Variants in ATP6AP2 observed in about 807,000 individuals in gnomAD.
The protein encoded by ATP6AP2 is renin receptor.
In ATP6AP2, 1 loss-of-function variant was observed where a neutral mutation model predicts 23.4. The observed-to-expected ratio is 0.04, with a 90% CI of 0.02 to 0.20. The LOEUF is 0.20. Among genes scored for constraint, ATP6AP2 ranks in the 10% least tolerant of loss-of-function variants. The pLI is 1.00. For missense variants in ATP6AP2, 174 were observed against 271.3 expected (o/e 0.64, Z 2.52); for synonymous variants, 90 against 97.1 (o/e 0.93, Z 0.43).
At chrX:40,584,321 C>T (rs972783140) in intron 1 of ATP6AP2, among the ~76,000 whole-genome samples, 2 of 107,980 alleles carry the variant, frequency 1.9e-5, no homozygotes, top group African/African-American at 3.4e-5. Flanking sequence ...TCCCAAAGTG[C>T]TGGGATTACA....
chrX:40,596,626 T>G (rs1277651136), intron 3 of ATP6AP2, among the ~76,000 whole-genome samples: 2 of 111,354 alleles, frequency 1.8e-5, no homozygotes, highest in African/African-American at 6.5e-5. Context: ...TATTTTGCAC[T>G]TTAATAAAAA....
At chrX:40,588,255 A>G (rs1329614948) in intron 1 of ATP6AP2, among the ~76,000 whole-genome samples, 1 of 109,572 alleles carries the variant, frequency 9.1e-6, no homozygotes, top group Non-Finnish European at 1.9e-5. Context: ...CCCTCTTGAC[A>G]TGTCAACTAC....
chrX:40,597,845 C>T (rs893524936), intron 5 of ATP6AP2, 181 bp downstream of exon 5: 9 of 445,051 alleles, frequency 2.0e-5, no homozygotes. Flanking sequence ...GCCTCCCATT[C>T]CTTATACTAC....
chrX:40,581,156 C>A, intron 1 of ATP6AP2, 54 bp downstream of exon 1: 4 of 1,005,776 alleles, frequency 4.0e-6, no homozygotes, highest in Non-Finnish European at 5.2e-6. Context: ...CGCCGCGGGG[C>A]TTGGGGGTCG....
intron 8 of ATP6AP2, 127 bp from the exon 9 acceptor site, chrX:40,605,434 A>G (rs1927048302): frequency 3.3e-6 from 2 of 606,610 alleles, no homozygotes; most frequent in Admixed American, 2.8e-5. Context: ...TCCTCCTAGT[A>G]TAAGTAGCTG....
At chrX:40,600,694 A>G (rs1370471178) in intron 7 of ATP6AP2, 68 bp from the exon 8 acceptor site, 5 of 1,062,824 alleles carry the variant, frequency 4.7e-6, no homozygotes, top group East Asian at 3.1e-5. Flanking sequence ...TATGATTTTA[A>G]TTTGTTAATT....
intron 1 of ATP6AP2, among the ~76,000 whole-genome samples, chrX:40,585,513 A>G (rs1210925285): frequency 1.8e-5 from 2 of 111,413 alleles, no homozygotes; most frequent in Non-Finnish European, 3.8e-5. Flanking sequence ...AGGGATGGAA[A>G]TTGCCTTTTG....
intron 3 of ATP6AP2, chrX:40,595,840 A>G (rs1275527537): frequency 8.9e-6 from 1 of 112,021 alleles, no homozygotes; most frequent in Non-Finnish European, 1.9e-5. Context: ...TGAGTAAGAG[A>G]AAAAAATTAT....
chrX:40,601,578 A>T (rs1256101056), intron 8 of ATP6AP2, among the ~76,000 whole-genome samples: 1 of 112,195 alleles, frequency 8.9e-6, no homozygotes, highest in Non-Finnish European at 1.9e-5. Context: ...GCACATTTAC[A>T]TACATACATA....
At chrX:40,590,567 C>T (rs1422815386) in intron 2 of ATP6AP2, 2 of 110,075 alleles carry the variant, frequency 1.8e-5, no homozygotes, top group African/African-American at 6.7e-5. Flanking sequence ...TTTGTAGAGA[C>T]AGGATTTTGC....
chrX:40,599,482 A>T, intron 6 of ATP6AP2, 110 bp from the exon 7 acceptor site: 1 of 914,953 alleles, frequency 1.1e-6, no homozygotes, highest in Non-Finnish European at 1.6e-6. Flanking sequence ...GTACACTGGT[A>T]TGGTTTAGTT....
At chrX:40,584,719 T>C (rs1196275638) in intron 1 of ATP6AP2, among the ~76,000 whole-genome samples, 1 of 110,892 alleles carries the variant, frequency 9.0e-6, no homozygotes, top group African/African-American at 3.3e-5. Context: ...CAACCTCAGG[T>C]GCTCTGCCTC....
intron 1 of ATP6AP2, among the ~76,000 whole-genome samples, chrX:40,585,620 G>A (rs142968713): frequency 0.021 from 2,317 of 111,265 alleles, 20 homozygotes; most frequent in Middle Eastern, 0.065. Context: ...TTGGGAGGCC[G>A]AGGCAGGCGG....
intron 5 of ATP6AP2, 58 bp from the exon 6 acceptor site, chrX:40,598,623 A>G: frequency 9.1e-7 from 1 of 1,099,846 alleles, no homozygotes; most frequent in Non-Finnish European, 1.3e-6. Context: ...GTAAATGGCA[A>G]ATAAAGATCT....
At chrX:40,585,506 GA>G (rs1187646837) in intron 1 of ATP6AP2, among the ~76,000 whole-genome samples, 1 of 111,671 alleles carries the variant, frequency 9.0e-6, no homozygotes, top group African/African-American at 3.3e-5. Context: ...AAAATTAAGG[GA>G]TGGAAATTGC....
At chrX:40,590,011 G>A (rs1036351261) in intron 2 of ATP6AP2, 13 of 111,281 alleles carry the variant, frequency 1.2e-4, no homozygotes, top group African/African-American at 3.9e-4. Context: ...AAGTGAACAG[G>A]ATTGGTTGTT....
chrX:40,581,155 G>A, intron 1 of ATP6AP2, 53 bp downstream of exon 1: 2 of 1,074,454 alleles, frequency 1.9e-6, no homozygotes, highest in South Asian at 2.4e-5. Flanking sequence ...GCGCCGCGGG[G>A]CTTGGGGGTC....
chrX:40,585,508 T>C (rs961775089), intron 1 of ATP6AP2, among the ~76,000 whole-genome samples: 1 of 111,493 alleles, frequency 9.0e-6, no homozygotes, highest in Non-Finnish European at 1.9e-5. Context: ...AATTAAGGGA[T>C]GGAAATTGCC....
At chrX:40,604,000 G>A (rs1467356174) in intron 8 of ATP6AP2, among the ~76,000 whole-genome samples, 1 of 111,398 alleles carries the variant, frequency 9.0e-6, no homozygotes, top group Non-Finnish European at 1.9e-5. Context: ...TTGCCCAGAG[G>A]CTCATGTCAG....
Sources: gnomAD v4.1 joint callset for allele counts (sites outside exome capture counted in the v4.1 genomes callset) on GRCh38, gnomAD v4.1.1 for gene constraint, MANE v1.5 for transcripts, NCBI Gene and HGNC (gene_info 2026-07-23, HGNC 2026-07-21) for gene names.